Variants in MPRIP observed in about 807,000 individuals in gnomAD.
The protein encoded by MPRIP is myosin phosphatase Rho interacting protein, also known as myosin phosphatase Rho-interacting protein.
MPRIP carries 59 observed loss-of-function variants against 234.9 expected under a neutral mutation model. That is an observed-to-expected ratio of 0.25 (90% CI 0.20 to 0.31). MPRIP has a LOEUF of 0.31. MPRIP is among the 10% of genes least tolerant of loss of function. The pLI is 1.00. For missense variants in MPRIP, 2,436 were observed against 3,071.0 expected (o/e 0.79, Z 4.89); for synonymous variants, 1,144 against 1,263.9 (o/e 0.91, Z 2.01).
intron 4 of MPRIP, among the ~76,000 whole-genome samples, chr17:17,128,043 A>G (rs138160192): frequency 2.9e-4 from 44 of 152,254 alleles, no homozygotes; most frequent in African/African-American, 1.0e-3. Context: ...CCAGAACCAT[A>G]TGATCAAGAA....
Position 17,164,699 on chromosome 17 carries a change from G to A in MPRIP, c.3108G>A (p.Leu1036=), listed in dbSNP as rs1331814467. 1 of 1,274,474 alleles carries A rather than the reference G, an allele frequency of 7.8e-7. No individual in the cohort carries two copies. Among genetic ancestry groups the A allele is most frequent in the Non-Finnish European group, 1.0e-6 (1 of 977,320 alleles). 78.9% of individuals were successfully genotyped at this position (1,274,474 alleles called of 1,614,324 possible). The change falls in exon 16 of 24, where the codon TTG becomes TTA. Residue 1036 remains leucine, a synonymous_variant. Transcript: ENST00000651222. ...GCTGTGAGAAGGAGAAGCAGGCATT[G>A]CTGCAGAACCTAAAGGAAGTGGAAG... ...LESCEKEKQA[L]LQNLKEVEDK...
chr17:17,156,711 T>C (rs1212368677), intron 13 of MPRIP, among the ~76,000 whole-genome samples: 1 of 152,198 alleles, frequency 6.6e-6, no homozygotes, highest in Non-Finnish European at 1.5e-5. Flanking sequence ...GGGGCCTCCA[T>C]GCATGCCCTG....
At chr17:17,124,720 T>C (rs1264691101) in intron 3 of MPRIP, among the ~76,000 whole-genome samples, 1 of 152,152 alleles carries the variant, frequency 6.6e-6, no homozygotes, top group Admixed American at 6.5e-5. Flanking sequence ...ATGCCTTGTC[T>C]AGGGAGGTGG....
chr17:17,118,832 G>T (rs1457406103), intron 3 of MPRIP, among the ~76,000 whole-genome samples: 4 of 152,158 alleles, frequency 2.6e-5, no homozygotes, highest in African/African-American at 9.7e-5. Context: ...ATATCTGTCT[G>T]TGGAGAGTGC....
intron 23 of MPRIP, among the ~76,000 whole-genome samples, chr17:17,183,939 C>T (rs1396334285): frequency 6.6e-6 from 1 of 152,252 alleles, no homozygotes; most frequent in African/African-American, 2.4e-5. Flanking sequence ...CAAGGGTAAG[C>T]CACAGGGAGT....
Position 17,093,081 on chromosome 17 carries a change from G to A in MPRIP, c.267+15005G>A, listed in dbSNP as rs766959296. Among the ~76,000 whole-genome samples, 48 of 152,220 alleles carry A rather than the reference G, an allele frequency of 3.2e-4. 1 individual carries two copies. The highest frequency in any genetic ancestry group is 8.5e-4 in the Admixed American group (13 of 15,286). On this transcript the variant is annotated intron_variant, in intron 3 of 23. Transcript: ENST00000651222. Reference sequence around the variant, plus strand: ...TAACACATTTGAATTTTGGATAAACGGGTGGCAACGGCCATGCTGGTTTCC... The same window carrying A: ...TAACACATTTGAATTTTGGATAAACAGGTGGCAACGGCCATGCTGGTTTCC...
chr17:17,126,319 T>G (rs2090489454), intron 3 of MPRIP, among the ~76,000 whole-genome samples: 2 of 152,162 alleles, frequency 1.3e-5, no homozygotes, highest in African/African-American at 4.8e-5. Context: ...CCTCTAAAAA[T>G]AACCCTGCTA....
chr17:17,165,222 G>A lies in MPRIP; in HGVS notation c.3631G>A (p.Ala1211Thr). 7.7e-7 allele frequency: 1 copy of A among 1,304,118 alleles called. No homozygotes were observed. Among genetic ancestry groups the A allele is most frequent in the South Asian group, 1.2e-5 (1 of 81,030 alleles). 80.8% of individuals were successfully genotyped at this position (1,304,118 alleles called of 1,614,324 possible). A position where few individuals can be genotyped will look rare whatever the true frequency, so the allele number is the denominator to read the frequency against. ...SLEETEIKLQ[A>T]KEEILRKFAS... ...AGAGGAAACAGAAATTAAGCTCCAG[G>A]CAAAAGAAGAGATTTTAAGGAAATT... Residue 1211 changes from alanine (A) to threonine (T), a missense_variant, in exon 16 of 24, where the codon GCA (alanine) becomes ACA (threonine). By Grantham distance (58) the Ala-to-Thr change is moderately conservative. Transcript: ENST00000651222.
intron 3 of MPRIP, among the ~76,000 whole-genome samples, chr17:17,112,857 G>A (rs1278929150): frequency 3.9e-5 from 6 of 152,204 alleles, no homozygotes; most frequent in African/African-American, 9.6e-5. Context: ...AGTAGCACGC[G>A]GGCCTTGGGA....
At chr17:17,044,471 C>G (rs1210824934) in intron 1 of MPRIP, among the ~76,000 whole-genome samples, 1 of 152,126 alleles carries the variant, frequency 6.6e-6, no homozygotes, top group Admixed American at 6.5e-5. Flanking sequence ...GAATCCTGGT[C>G]CCTGGCTTAC....
At position 17,164,733 on chromosome 17, in the gene MPRIP, A is replaced by T. The variant is rs1336100908; in HGVS notation, c.3142A>T (p.Ser1048Cys). The T allele has an allele frequency of 7.7e-7, 1 of 1,300,904 alleles. No homozygotes were observed. The highest frequency in any genetic ancestry group is 1.0e-6 in the Non-Finnish European group (1 of 987,824). 80.6% of individuals were successfully genotyped at this position (1,300,904 alleles called of 1,614,324 possible). The change falls in exon 16 of 24, where the codon AGC becomes TGC. Residue 1048 changes from serine (S) to cysteine (C), a missense_variant. Transcript: ENST00000651222. Reference sequence around the variant, plus strand: ...CCTAAAGGAAGTGGAAGACAAGGCCAGCGCCTATGAGGACCAGCTGCAGGG... The same window carrying T: ...CCTAAAGGAAGTGGAAGACAAGGCCTGCGCCTATGAGGACCAGCTGCAGGG... Reference protein sequence around the residue: ...QNLKEVEDKASAYEDQLQGQA... With the variant: ...QNLKEVEDKACAYEDQLQGQA...
chr17:17,150,073 C>G, intron 11 of MPRIP, 71 bp from the exon 12 acceptor site: 1 of 1,110,152 alleles, frequency 9.0e-7, no homozygotes, highest in Non-Finnish European at 1.4e-6. Flanking sequence ...AAATCACTTA[C>G]GGAAATTTGC....
chr17:17,151,806 G>C (rs951037905), intron 12 of MPRIP, among the ~76,000 whole-genome samples: 4 of 152,206 alleles, frequency 2.6e-5, no homozygotes, highest in African/African-American at 9.7e-5. Flanking sequence ...TTCGTCACTC[G>C]CAAGGGCTTT....
At chr17:17,150,268 G>T (rs539409875) in intron 12 of MPRIP, 35 bp downstream of exon 12, 127 of 1,509,868 alleles carry the variant, frequency 8.4e-5, no homozygotes, top group Non-Finnish European at 1.1e-4. Context: ...CCACAGGCTT[G>T]ACAGGCAGGG....
chr17:17,133,002 C>T (rs865881442), intron 5 of MPRIP, among the ~76,000 whole-genome samples: 17 of 152,154 alleles, frequency 1.1e-4, no homozygotes, highest in South Asian at 8.3e-4. Flanking sequence ...AAGCGGAGCT[C>T]CTGCCTCTAA....
chr17:17,154,440 G>C (rs767500711), intron 13 of MPRIP, 25 bp downstream of exon 13: 5 of 1,600,822 alleles, frequency 3.1e-6, no homozygotes, highest in Non-Finnish European at 4.3e-6. Flanking sequence ...ACACCAGGGA[G>C]CCCTTTGTGC....
chr17:17,065,561 C>T (rs1021285404), intron 1 of MPRIP, among the ~76,000 whole-genome samples: 1 of 152,080 alleles, frequency 6.6e-6, no homozygotes, highest in Non-Finnish European at 1.5e-5. Context: ...CAATACCACA[C>T]AGTCTTCATT....
At chr17:17,156,065 G>T (rs1029312052) in intron 13 of MPRIP, among the ~76,000 whole-genome samples, 1 of 152,234 alleles carries the variant, frequency 6.6e-6, no homozygotes, top group Non-Finnish European at 1.5e-5. Flanking sequence ...AGTGCATATG[G>T]GTAGCTGGCC....
At chr17:17,156,923 C>T (rs1396360213) in intron 13 of MPRIP, among the ~76,000 whole-genome samples, 1 of 152,202 alleles carries the variant, frequency 6.6e-6, no homozygotes, top group Admixed American at 6.5e-5. Context: ...TGACGGCAAC[C>T]ATTTCCTCTT....
Sources: allele counts gnomAD v4.1 joint callset (sites outside exome capture counted in the v4.1 genomes callset), GRCh38; gene constraint gnomAD v4.1.1; transcripts MANE v1.5; gene names NCBI Gene and HGNC (gene_info 2026-07-23, HGNC 2026-07-21).